Variants in KSR2 observed in about 807,000 individuals in gnomAD.
KSR2 encodes the protein kinase suppressor of ras 2.
A neutral mutation model predicts 107.8 loss-of-function variants in KSR2; 25 were observed. The ratio of observed to expected loss-of-function variants is 0.23; its 90% confidence interval spans 0.17 to 0.32. The LOEUF (loss-of-function observed/expected upper bound fraction) is 0.32, where lower values mean the gene tolerates loss of function less well. Among genes scored for constraint, KSR2 ranks in the 10% least tolerant of loss-of-function variants. KSR2 has a pLI of 1.00. For missense variants in KSR2, 887 were observed against 1,268.9 expected (o/e 0.70, Z 4.57); for synonymous variants, 480 against 507.0 (o/e 0.95, Z 0.71).
chr12:117,765,251 C>G (rs1010471203), intron 3 of KSR2, among the ~76,000 whole-genome samples: 1 of 152,210 alleles, frequency 6.6e-6, no homozygotes, highest in South Asian at 2.1e-4. Flanking sequence ...GAAAGTCAAT[C>G]TATTTTCTAA....
At chr12:117,749,318 T>C (rs1393711682) in intron 4 of KSR2, among the ~76,000 whole-genome samples, 1 of 151,284 alleles carries the variant, frequency 6.6e-6, no homozygotes, top group Admixed American at 6.6e-5. Context: ...GAGCATCAAT[T>C]CCTAAGTGAC....
chr12:117,753,065 C>T (rs995094459), intron 4 of KSR2, among the ~76,000 whole-genome samples: 5 of 152,166 alleles, frequency 3.3e-5, no homozygotes, highest in African/African-American at 1.2e-4. Flanking sequence ...GCCACAAAGC[C>T]AGAGGGAAAA....
At chr12:117,763,064 C>G (rs2136880133) in intron 3 of KSR2, among the ~76,000 whole-genome samples, 1 of 152,076 alleles carries the variant, frequency 6.6e-6, no homozygotes, top group South Asian at 2.1e-4. Flanking sequence ...CAACAGTCCC[C>G]AGAGTGTGAT....
intron 14 of KSR2, among the ~76,000 whole-genome samples, chr12:117,498,582 G>C (rs1873182311): frequency 6.6e-6 from 1 of 152,118 alleles, no homozygotes; most frequent in African/African-American, 2.4e-5. Context: ...TGTAGCTCGG[G>C]AGGGCTGTGT....
At chr12:117,794,291 ACACAC>A (rs1890495235) in intron 3 of KSR2, among the ~76,000 whole-genome samples, 1 of 58,710 alleles carries the variant, frequency 1.7e-5, no homozygotes, top group Non-Finnish European at 2.9e-5. Flanking sequence ...ACATGCACTC[ACACAC>A]CAACATGCAC....
chr12:117,824,149 A>G lies in KSR2; in HGVS notation c.472+31279T>C, dbSNP rs139529155. Among the ~76,000 whole-genome samples, 49 of 152,326 alleles carry G rather than the reference A, an allele frequency of 3.2e-4. No homozygotes were observed. In the East Asian group the frequency reaches 5.8e-3, roughly 18 times the overall value. ...TTTTGTTCAGTGAAATAGGCCAAGC[A>G]CAGAAAGACAAACATCACATATTCT... On this transcript the variant is annotated intron_variant, in intron 3 of 19. Transcript: ENST00000339824.
chr12:117,869,861 A>C (rs1893595255), intron 1 of KSR2, among the ~76,000 whole-genome samples: 1 of 152,228 alleles, frequency 6.6e-6, no homozygotes. Context: ...AAACATTTAC[A>C]GTATGCCTGG....
At chr12:117,511,812 A>T (rs185020562) in intron 14 of KSR2, among the ~76,000 whole-genome samples, 20 of 152,276 alleles carry the variant, frequency 1.3e-4, no homozygotes, top group African/African-American at 4.3e-4. Context: ...AGTTTGGAAA[A>T]CAATACTGCT....
intron 4 of KSR2, among the ~76,000 whole-genome samples, chr12:117,716,475 T>C (rs184508613): frequency 7.2e-5 from 11 of 152,330 alleles, no homozygotes; most frequent in Admixed American, 2.6e-4. Flanking sequence ...TGGAAAAACA[T>C]AATGTAAAAC....
chr12:117,813,029 T>A (rs1294915742), intron 3 of KSR2, among the ~76,000 whole-genome samples: 2 of 151,642 alleles, frequency 1.3e-5, no homozygotes, highest in Non-Finnish European at 2.9e-5. Context: ...AATCCACATA[T>A]CTATAGACAA....
intron 1 of KSR2, among the ~76,000 whole-genome samples, chr12:117,903,906 G>A (rs752611658): frequency 2.0e-5 from 3 of 152,136 alleles, no homozygotes; most frequent in South Asian, 4.1e-4. Flanking sequence ...GGCTGGGGTG[G>A]GAAGACTGCT....
chr12:117,811,797 G>A (rs1440836544), intron 3 of KSR2, among the ~76,000 whole-genome samples: 1 of 152,170 alleles, frequency 6.6e-6, no homozygotes, highest in East Asian at 1.9e-4. Context: ...GCTATAAAGA[G>A]GACAGCTCTA....
chr12:117,755,160 T>C (rs1257604738), intron 4 of KSR2, among the ~76,000 whole-genome samples: 4 of 152,186 alleles, frequency 2.6e-5, no homozygotes, highest in African/African-American at 9.7e-5. Flanking sequence ...TACTCCCTGA[T>C]GGGGTTTATT....
intron 2 of KSR2, among the ~76,000 whole-genome samples, chr12:117,857,642 ACT>A (rs3073175): frequency 0.035 from 5,305 of 152,248 alleles, 123 homozygotes; most frequent in Middle Eastern, 0.065. Context: ...TGGATGGAAC[ACT>A]GTTTTAAGGT....
rs1192113149 is a variant in KSR2, at chr12:117,760,958, C to A, written c.986+53G>T. 23 of 1,606,440 alleles carry A rather than the reference C, an allele frequency of 1.4e-5. 1 individual carries two copies. In the South Asian group the frequency reaches 2.4e-4, roughly 17 times the overall value. ...GGCAGTTCCTGGGACCAAGGGGCAG[C>A]CCCTCGCAGGCCGGGTTTCGACCGC... On this transcript the variant is annotated intron_variant, in intron 4 of 19. Transcript: ENST00000339824.
At chr12:117,768,802 G>C (rs1268498383) in intron 3 of KSR2, among the ~76,000 whole-genome samples, 1 of 152,198 alleles carries the variant, frequency 6.6e-6, no homozygotes, top group Non-Finnish European at 1.5e-5. Context: ...CAACAAAGTG[G>C]GTGGAATTTA....
At chr12:117,770,611 C>G (rs879145467) in intron 3 of KSR2, among the ~76,000 whole-genome samples, 1 of 151,920 alleles carries the variant, frequency 6.6e-6, no homozygotes, top group Non-Finnish European at 1.5e-5. Flanking sequence ...CTGTGGAGTG[C>G]AGCCACCAGA....
chr12:117,485,502 C>T lies in KSR2; in HGVS notation c.2316+93G>A, dbSNP rs1872411105. On this transcript the variant is annotated intron_variant, in intron 15 of 19. Transcript: ENST00000339824. Reference sequence around the variant, plus strand: ...CCAGATTGGTAGTCTGAAATCCAACCATGAATCTTAGGAGCCCTGGGGTAG... The same window carrying T: ...CCAGATTGGTAGTCTGAAATCCAACTATGAATCTTAGGAGCCCTGGGGTAG... 1.9e-5 allele frequency: 17 copies of T among 915,074 alleles called. 1 individual carries two copies. Among genetic ancestry groups the T allele is most frequent in the Non-Finnish European group, 2.8e-5 (16 of 568,924 alleles). The allele number at this position is 915,074 out of a possible 1,614,324, so 56.7% of individuals were successfully genotyped here.
chr12:117,738,275 T>A (rs888949367), intron 4 of KSR2, among the ~76,000 whole-genome samples: 9 of 152,184 alleles, frequency 5.9e-5, no homozygotes, highest in African/African-American at 1.9e-4. Flanking sequence ...AATGTGGGGA[T>A]TAAATAAGAA....
Sources: allele counts gnomAD v4.1 joint callset (sites outside exome capture counted in the v4.1 genomes callset), GRCh38; gene constraint gnomAD v4.1.1; transcripts MANE v1.5; gene names NCBI Gene and HGNC (gene_info 2026-07-23, HGNC 2026-07-21).